DDX60L: variants seen among roughly 807,000 people sequenced by gnomAD.
DDX60L encodes the protein probable ATP-dependent RNA helicase DDX60-like.
DDX60L carries 191 observed loss-of-function variants against 211.6 expected under a neutral mutation model. That is an observed-to-expected ratio of 0.90 (90% CI 0.80 to 1.02). The LOEUF is 1.02. Ranked by LOEUF, DDX60L falls within the 50% of genes least tolerant of loss-of-function variation. The probability of loss-of-function intolerance (pLI) is 0.00; values close to 1 mark genes in which losing one functional copy is unlikely to be tolerated. For synonymous variants in DDX60L, 706 were observed against 694.1 expected, an observed-to-expected ratio of 1.02 and a Z score of -0.27; for missense variants, 2,007 against 1,984.1, an observed-to-expected ratio of 1.01 and a Z score of -0.22.
intron 1 of DDX60L, among the ~76,000 whole-genome samples, chr4:168,473,347 G>A (rs922025309): frequency 1.3e-5 from 2 of 152,242 alleles, no homozygotes; most frequent in Admixed American, 6.5e-5. Context: ...ATCTTTAGTA[G>A]AGAGAGCAGA....
In DDX60L at chr4:168,384,635, C is replaced by T; in HGVS notation, c.4093G>A (p.Asp1365Asn). The T allele has an allele frequency of 6.2e-7, 1 of 1,613,938 alleles. No individual in the cohort carries two copies. Among genetic ancestry groups the T allele is most frequent in the Non-Finnish European group, 8.5e-7 (1 of 1,179,938 alleles). The change falls in exon 30 of 38, where the codon GAC becomes AAC. Residue 1365 changes from aspartate (D) to asparagine (N), a missense_variant. Transcript: ENST00000682922. ...RLMLLASKGDDPEDAKAKVLS... is the reference protein window; with the variant it reads ...RLMLLASKGDNPEDAKAKVLS... Reference sequence around the variant, plus strand: ...ACCTTTGCCTTGGCATCCTCTGGGTCATCTCCCTTGGAAGCCAGCAGCATG... The same window carrying T: ...ACCTTTGCCTTGGCATCCTCTGGGTTATCTCCCTTGGAAGCCAGCAGCATG...
chr4:168,418,489 T>G (rs1749949766), intron 19 of DDX60L, among the ~76,000 whole-genome samples: 2 of 152,214 alleles, frequency 1.3e-5, no homozygotes, highest in African/African-American at 4.8e-5. Context: ...AACGGGAATG[T>G]TCAAAGTCAG....
chr4:168,382,656 G>A (rs2149687027), intron 30 of DDX60L, among the ~76,000 whole-genome samples: 1 of 152,092 alleles, frequency 6.6e-6, no homozygotes, highest in Admixed American at 6.5e-5. Context: ...AGTGGCAAAT[G>A]CTGACAACAT....
At chr4:168,370,592 C>G (rs1174726438) in intron 36 of DDX60L, among the ~76,000 whole-genome samples, 1 of 152,034 alleles carries the variant, frequency 6.6e-6, no homozygotes, top group Non-Finnish European at 1.5e-5. Context: ...TTTGAACATT[C>G]TCACCACAAA....
Position 168,419,292 on chromosome 4 carries a change from C to G in DDX60L, c.2610+10G>C, listed in dbSNP as rs1241802653. On this transcript the variant is annotated intron_variant, in intron 19 of 37. Coordinates refer to ENST00000682922, the MANE Select transcript of DDX60L (RefSeq NM_001012967.3). ...TAGAACATCAACCAGAGAACTAACA[C>G]CAAACCTACCTCATCAAATATAACA... is the stretch of plus-strand genomic sequence containing the variant. The G allele has an allele frequency of 6.3e-7, 1 of 1,575,758 alleles. No individual in the cohort carries two copies. The highest frequency in any genetic ancestry group is 8.6e-7 in the Non-Finnish European group (1 of 1,157,374).
At chr4:168,414,505 C>T (rs1378117906) in intron 22 of DDX60L, among the ~76,000 whole-genome samples, 2 of 151,928 alleles carry the variant, frequency 1.3e-5, no homozygotes, top group Admixed American at 6.6e-5. Context: ...ACCACTGCTA[C>T]ATATATACTT....
rs35620253 is a variant in DDX60L, at chr4:168,391,649, GAAAA to G, written c.3811-9_3811-6del. On this transcript the variant is annotated splice_region_variant and splice_polypyrimidine_tract_variant and intron_variant, in intron 28 of 37. Transcript: ENST00000682922. ...TGTTTCAGTAGCTGTCACTACCTAG[GAAAA>G]AAAAAAAAAAACAGTCAATACACAA... The G allele has an allele frequency of 4.3e-5, 46 of 1,070,020 alleles. No homozygotes were observed. The highest frequency in any genetic ancestry group is 1.2e-4 in the South Asian group (6 of 51,418). The allele number at this position is 1,070,020 out of a possible 1,614,324, so 66.3% of individuals were successfully genotyped here.
rs1267089737 is a variant in DDX60L, at chr4:168,472,805, C to T, written c.-106G>A. 18 of 1,226,890 alleles carry T rather than the reference C, an allele frequency of 1.5e-5. No individual in the cohort carries two copies. In the East Asian group the frequency reaches 3.7e-4, roughly 25 times the overall value. 76.0% of individuals were successfully genotyped at this position (1,226,890 alleles called of 1,614,324 possible). Reference sequence around the variant, plus strand: ...AAATGGCTACATTTGATGTGAATGGCACCTCTGTAATAAAAGAAAAAATAG... The same window carrying T: ...AAATGGCTACATTTGATGTGAATGGTACCTCTGTAATAAAAGAAAAAATAG... On this transcript the variant is annotated 5_prime_UTR_variant, in exon 2 of 38. Transcript: ENST00000682922.
chr4:168,440,088 G>A (rs1753609051), intron 10 of DDX60L, among the ~76,000 whole-genome samples: 1 of 152,208 alleles, frequency 6.6e-6, no homozygotes, highest in African/African-American at 2.4e-5. Context: ...GGCTGGGCAT[G>A]ATGGTGTACA....
intron 28 of DDX60L, 53 bp downstream of exon 28, chr4:168,394,412 C>T (rs1385855164): frequency 7.8e-7 from 1 of 1,280,650 alleles, no homozygotes; most frequent in Non-Finnish European, 1.0e-6. Flanking sequence ...TAGTGGTATT[C>T]AGCATCATAA....
rs1003008348 is a variant in DDX60L at position 168,416,927 on chromosome 4, A to G, written c.2611-130T>C. On this transcript the variant is annotated intron_variant, in intron 19 of 37. Transcript: ENST00000682922. ...CCTAACCTAAATAAAGTGAATGGTG[A>G]TAAATTCAGACAATAGACATCATGA... 73 of 502,288 alleles carry G rather than the reference A, an allele frequency of 1.5e-4. No homozygotes were observed. The Middle Eastern group carries it at 2.4e-3, about 17-fold the overall frequency. 31.1% of individuals were successfully genotyped at this position (502,288 alleles called of 1,614,324 possible).
intron 5 of DDX60L, among the ~76,000 whole-genome samples, chr4:168,461,277 T>C (rs1757285725): frequency 6.6e-6 from 1 of 152,142 alleles, no homozygotes; most frequent in Non-Finnish European, 1.5e-5. Context: ...CAAAAGACAT[T>C]ATTATTACTC....
intron 29 of DDX60L, chr4:168,390,486 T>TA: frequency 7.2e-7 from 1 of 1,389,238 alleles, no homozygotes; most frequent in Non-Finnish European, 9.3e-7. Flanking sequence ...CTTTTCTCTG[T>TA]AAAATCACAG....
chr4:168,393,348 T>C (rs1745188595), intron 28 of DDX60L, among the ~76,000 whole-genome samples: 1 of 151,896 alleles, frequency 6.6e-6, no homozygotes, highest in Non-Finnish European at 1.5e-5. Flanking sequence ...ATACAAAAAT[T>C]AGCTGGGTGT....
intron 7 of DDX60L, among the ~76,000 whole-genome samples, chr4:168,455,262 C>A (rs1381163191): frequency 1.2e-5 from 1 of 85,124 alleles, no homozygotes; most frequent in African/African-American, 6.2e-5. Flanking sequence ...ATCTAGACTG[C>A]ATACAAACTT....
chr4:168,373,950 C>A (rs568529328), intron 34 of DDX60L, 142 bp from the exon 35 acceptor site: 27 of 754,692 alleles, frequency 3.6e-5, no homozygotes, highest in Non-Finnish European at 5.6e-5. Context: ...TGCATAAAGT[C>A]ATTAACACAG....
At chr4:168,449,438 G>A (rs1211509936) in intron 8 of DDX60L, among the ~76,000 whole-genome samples, 6 of 114,550 alleles carry the variant, frequency 5.2e-5, no homozygotes, top group Non-Finnish European at 1.1e-4. Context: ...ACACAGGAAG[G>A]GGAATATCAC....
At position 168,404,074 on chromosome 4, in the gene DDX60L, A is replaced by G. The variant is rs1181296065; in HGVS notation, c.3246T>C (p.Asp1082=). The part of the protein sequence containing the change: ...VKRVLKNLSP[D]SLSSSKDMVK... ...CCATATCTTTTGAACTAGACAATGA[A>G]TCCGGACTAAGGTTCTTCAGTACTC... is the stretch of plus-strand genomic sequence containing the variant. Residue 1082 remains aspartate, a synonymous_variant, in exon 25 of 38, where the codon GAT becomes GAC. Coordinates refer to ENST00000682922, the MANE Select transcript of DDX60L (RefSeq NM_001012967.3). The G allele has an allele frequency of 2.8e-6, 4 of 1,435,432 alleles. No homozygotes were observed. The allele number at this position is 1,435,432 out of a possible 1,614,324, so 88.9% of individuals were successfully genotyped here. A position where few individuals can be genotyped will look rare whatever the true frequency, so the allele number is the denominator to read the frequency against.
chr4:168,421,260 GTCA>G (rs1334891750), intron 17 of DDX60L, among the ~76,000 whole-genome samples: 1 of 152,016 alleles, frequency 6.6e-6, no homozygotes, highest in Non-Finnish European at 1.5e-5. Context: ...AAATACTATA[GTCA>G]TCATTTTTAT....
Sources: gnomAD v4.1 joint callset for allele counts (sites outside exome capture counted in the v4.1 genomes callset) on GRCh38, gnomAD v4.1.1 for gene constraint, MANE v1.5 for transcripts, NCBI Gene and HGNC (gene_info 2026-07-23, HGNC 2026-07-21) for gene names.